Variants in TNS1 observed in about 807,000 individuals in gnomAD.
TNS1 encodes the protein tensin 1.
TNS1 carries 62 observed loss-of-function variants against 168.6 expected under a neutral mutation model. That is an observed-to-expected ratio of 0.37 (90% CI 0.30 to 0.45). The LOEUF is 0.45. TNS1 is among the 20% of genes least tolerant of loss of function. The pLI, the probability that TNS1 is intolerant of heterozygous loss-of-function variation, is 1.00. For synonymous variants in TNS1, 934 were observed against 933.2 expected (o/e 1.00, Z -0.02); for missense variants, 2,240 against 2,339.4 (o/e 0.96, Z 0.88).
At chr2:217,912,141 G>C (rs1321116470) in intron 4 of TNS1, among the ~76,000 whole-genome samples, 1 of 152,256 alleles carries the variant, frequency 6.6e-6, no homozygotes, top group Non-Finnish European at 1.5e-5. Context: ...TCTGCTGGAA[G>C]GTTGGGGGGT....
chr2:217,943,121 G>A (rs1379673095), intron 3 of TNS1, among the ~76,000 whole-genome samples: 2 of 152,148 alleles, frequency 1.3e-5, no homozygotes, highest in Admixed American at 6.5e-5. Context: ...GCCCCTGTCT[G>A]TTCATTAACC....
chr2:218,009,588 C>T (rs72951983), intron 1 of TNS1, among the ~76,000 whole-genome samples: 3,643 of 152,004 alleles, frequency 0.024, 75 homozygotes, highest in Non-Finnish European at 0.039. Flanking sequence ...CCTGGTCCCT[C>T]CATCCTGAAT....
chr2:217,932,013 C>T (rs935495511), intron 3 of TNS1, among the ~76,000 whole-genome samples: 29 of 152,270 alleles, frequency 1.9e-4, no homozygotes, highest in Non-Finnish European at 3.5e-4. Flanking sequence ...CCACATATTA[C>T]TTAGGAAAAA....
At chr2:217,960,162 C>G (rs2126000150) in intron 3 of TNS1, among the ~76,000 whole-genome samples, 1 of 152,228 alleles carries the variant, frequency 6.6e-6, no homozygotes, top group South Asian at 2.1e-4. Flanking sequence ...AGGAGTGTCC[C>G]CGACTCATTG....
At chr2:217,841,272 C>T (rs1176482644) in intron 19 of TNS1, 1 of 984,862 alleles carries the variant, frequency 1.0e-6, no homozygotes, top group Non-Finnish European at 1.2e-6. Context: ...TGCCCTGCAG[C>T]CTGGCGTTGT....
At chr2:218,005,742 CAT>C (rs1958652260), upstream of TNS1, among the ~76,000 whole-genome samples, 2 of 152,238 alleles carry the variant, frequency 1.3e-5, no homozygotes, top group Non-Finnish European at 2.9e-5. Flanking sequence ...TGGATCCTAA[CAT>C]ATTTTCCTAC....
intron 19 of TNS1, 130 bp downstream of exon 19, chr2:217,847,380 T>C: frequency 1.2e-6 from 1 of 844,220 alleles, no homozygotes; most frequent in Non-Finnish European, 1.7e-6. Flanking sequence ...GGCTAGCATA[T>C]AGGCTCCTGA....
At chr2:217,916,255 C>G (rs1464854414) in intron 4 of TNS1, among the ~76,000 whole-genome samples, 1 of 152,112 alleles carries the variant, frequency 6.6e-6, no homozygotes, top group East Asian at 1.9e-4. Flanking sequence ...AGCATGATTT[C>G]CTACTGGGCA....
rs1425958187 is a variant in TNS1, at chr2:218,032,330, GA to G, written c.156+1489del. Among the ~76,000 whole-genome samples the G allele has an allele frequency of 6.6e-6, 1 of 152,202 alleles. No homozygotes were observed. The highest frequency in any genetic ancestry group is 1.5e-5 in the Non-Finnish European group (1 of 68,030). On this transcript the variant is annotated intron_variant, in intron 1 of 1. Transcript: ENST00000649572. The surrounding 1 kb of genome is among the most constrained non-coding windows in gnomAD (Gnocchi z 4.0). ...GGGGGACAAGGCAGTCCAGGAGAAG[GA>G]GGAGGACAGCCTGCTTGTGGAGGAG... is the stretch of plus-strand genomic sequence containing the variant.
chr2:217,811,603 C>A (rs1349551862), intron 28 of TNS1, among the ~76,000 whole-genome samples: 1 of 152,158 alleles, frequency 6.6e-6, no homozygotes, highest in Non-Finnish European at 1.5e-5. Flanking sequence ...CAGACCGTTC[C>A]GAGACCTTGC....
intron 1 of TNS1, among the ~76,000 whole-genome samples, chr2:218,019,659 G>T (rs954781104): frequency 3.3e-5 from 5 of 152,190 alleles, no homozygotes; most frequent in African/African-American, 1.2e-4. Context: ...GAGCAGGGAG[G>T]CCCTGGGGAG....
At position 218,032,940 on chromosome 2, in the gene TNS1, C is replaced by T. The variant is rs2106019643; in HGVS notation, c.156+880G>A. ...GCACACACACCCTCCCCTCTTTCTC[C>T]CCTTGATCATCCACCTCCAGAGCCC... On this transcript the variant is annotated intron_variant, in intron 1 of 1. Transcript: ENST00000649572. This position sits in a 1 kb window ranked among gnomAD's most constrained non-coding sequence, Gnocchi z 4.0. Among the ~76,000 whole-genome samples the T allele has an allele frequency of 6.6e-6, 1 of 152,268 alleles. No homozygotes were observed. Among genetic ancestry groups the T allele is most frequent in the Middle Eastern group, 3.4e-3 (1 of 294 alleles).
intron 1 of TNS1, among the ~76,000 whole-genome samples, chr2:218,022,577 CT>C (rs1958814999): frequency 1.3e-5 from 2 of 152,036 alleles, no homozygotes; most frequent in Admixed American, 6.5e-5. Context: ...CTTTGTCCCC[CT>C]GCCTGGCCTT....
At chr2:217,868,852 T>C (rs1225775326) in intron 18 of TNS1, among the ~76,000 whole-genome samples, 1 of 152,232 alleles carries the variant, frequency 6.6e-6, no homozygotes, top group African/African-American at 2.4e-5. Flanking sequence ...GGACGTGGGT[T>C]CCACCCCTTC....
At position 217,948,091 on chromosome 2, in the gene TNS1, C is replaced by T. The variant is rs1434878761; in HGVS notation, c.187-27855G>A. On this transcript the variant is annotated intron_variant, in intron 3 of 32. Transcript: ENST00000682258. The surrounding 1 kb of genome is among the most constrained non-coding windows in gnomAD (Gnocchi z 4.1). ...CAACTAGGAATTCCAGGTCCCAGCACTACCTCCGGAGGGCACCACATCACC... is the reference window on the plus strand; with the variant it reads ...CAACTAGGAATTCCAGGTCCCAGCATTACCTCCGGAGGGCACCACATCACC... Among the ~76,000 whole-genome samples, 2 of 152,220 alleles carry T rather than the reference C, an allele frequency of 1.3e-5. No homozygotes were observed. Among genetic ancestry groups the T allele is most frequent in the Non-Finnish European group, 1.5e-5 (1 of 68,026 alleles).
At chr2:217,850,666 T>C (rs958072829) in intron 18 of TNS1, 2 of 956,846 alleles carry the variant, frequency 2.1e-6, no homozygotes, top group African/African-American at 1.8e-5. Context: ...GGCTCTCCGT[T>C]AGCAAGGAAA....
At chr2:217,984,547 G>A (rs929343774) in intron 2 of TNS1, among the ~76,000 whole-genome samples, 4 of 152,154 alleles carry the variant, frequency 2.6e-5, no homozygotes, top group East Asian at 1.9e-4. Context: ...GAGTGCAGTC[G>A]TGTGCTCATA....
intron 16 of TNS1, among the ~76,000 whole-genome samples, chr2:217,884,074 A>G (rs1404195554): frequency 1.6e-5 from 2 of 125,364 alleles, no homozygotes; most frequent in East Asian, 4.8e-4. Context: ...TTCTGTTCAT[A>G]TCTATAGGGT....
chr2:217,816,752 C>T (rs563960251), intron 24 of TNS1, among the ~76,000 whole-genome samples: 4 of 152,172 alleles, frequency 2.6e-5, no homozygotes, highest in Admixed American at 2.6e-4. Context: ...ACCAGATGTC[C>T]CCGGTGGGCG....
Sources: allele counts gnomAD v4.1 joint callset (sites outside exome capture counted in the v4.1 genomes callset), GRCh38; gene constraint gnomAD v4.1.1; non-coding constraint Gnocchi (gnomAD v3.1); transcripts MANE v1.5; gene names NCBI Gene and HGNC (gene_info 2026-07-23, HGNC 2026-07-21).